The following KAZN variants were observed in gnomAD, a reference collection of about 807,000 sequenced individuals.
The protein encoded by KAZN is kazrin, periplakin interacting protein.
A neutral mutation model predicts 87.4 loss-of-function variants in KAZN; 40 were observed. The ratio of observed to expected loss-of-function variants is 0.46; its 90% CI spans 0.36 to 0.60. The LOEUF (loss-of-function observed/expected upper bound fraction) is 0.60. KAZN is among the 20% of genes least tolerant of loss of function. The probability of loss-of-function intolerance (pLI) is 0.00; values close to 1 mark genes in which losing one functional copy is unlikely to be tolerated. For missense variants in KAZN, 898 were observed against 1,073.9 expected (o/e 0.84, Z 2.29); for synonymous variants, 466 against 458.3 (o/e 1.02, Z -0.22).
chr1:15,070,685 C>A (rs1485975035), intron 8 of KAZN, among the ~76,000 whole-genome samples: 2 of 152,158 alleles, frequency 1.3e-5, no homozygotes, highest in Non-Finnish European at 2.9e-5. Flanking sequence ...TACCTCTGGG[C>A]CAAAAGTTAG....
At chr1:14,384,424 C>T (rs1011246779) in intron 2 of KAZN, among the ~76,000 whole-genome samples, 6 of 151,994 alleles carry the variant, frequency 3.9e-5, no homozygotes, top group Non-Finnish European at 7.4e-5. Flanking sequence ...CCAGTTTTTG[C>T]CCATTCAGTA....
At chr1:14,947,272 C>A (rs571096770) in intron 1 of KAZN, among the ~76,000 whole-genome samples, 1 of 152,018 alleles carries the variant, frequency 6.6e-6, no homozygotes, top group African/African-American at 2.4e-5. Context: ...TTTTTTTCCT[C>A]AAGGGTGGGG....
At chr1:14,194,637 A>T (rs1195112973) in intron 2 of KAZN, among the ~76,000 whole-genome samples, 1 of 152,178 alleles carries the variant, frequency 6.6e-6, no homozygotes, top group African/African-American at 2.4e-5. Flanking sequence ...AGTGTTTTTC[A>T]TGAAGGCTTC....
Position 15,066,176 on chromosome 1 carries a change from C to T in KAZN, c.1222+423C>T. ...TTTTGTTTTTTTCCCCCTTTCTCCTCCCCTCCTCCTTTTTATGAAACTTGA... is the reference window on the plus strand; with the variant it reads ...TTTTGTTTTTTTCCCCCTTTCTCCTTCCCTCCTCCTTTTTATGAAACTTGA... On this transcript the variant is annotated intron_variant, in intron 8 of 14. Transcript: ENST00000376030. This position sits in a 1 kb window ranked among gnomAD's most constrained non-coding sequence, Gnocchi z 4.3. The T allele has an allele frequency of 9.9e-7, 1 of 1,007,174 alleles. No individual in the cohort carries two copies. The highest frequency in any genetic ancestry group is 1.2e-6 in the Non-Finnish European group (1 of 844,652). The allele number at this position is 1,007,174 out of a possible 1,614,324, so 62.4% of individuals were successfully genotyped here. A position where few individuals can be genotyped will look rare whatever the true frequency, so the allele number is the denominator to read the frequency against.
At chr1:14,553,240 G>A (rs933136464) in intron 2 of KAZN, among the ~76,000 whole-genome samples, 1 of 152,150 alleles carries the variant, frequency 6.6e-6, no homozygotes, top group Admixed American at 6.5e-5. Context: ...ACCCAGCCAT[G>A]GTAGTGCACA....
chr1:15,111,867 C>G (rs56096811), intron 13 of KAZN: 2 of 153,800 alleles, frequency 1.3e-5, no homozygotes, highest in African/African-American at 4.8e-5. Context: ...TGGATTTGAC[C>G]TGCAGGCAGG....
chr1:14,773,217 C>G lies in KAZN; in HGVS notation c.226+173994C>G, dbSNP rs912073674. On this transcript the variant is annotated intron_variant, in intron 1 of 14. Coordinates refer to ENST00000376030, the MANE Select transcript of KAZN (RefSeq NM_201628.3). The surrounding 1 kb of genome is among the most constrained non-coding windows in gnomAD (Gnocchi z 5.9). ...ATTATCTTCAGGACAAAGACGGCCC[C>G]AACACTTCCGGAAGAGATCTGATAC... 6.6e-6 allele frequency among the ~76,000 whole-genome samples: 1 copy of G among 152,088 alleles called. No homozygotes were observed. The highest frequency in any genetic ancestry group is 1.9e-4 in the East Asian group (1 of 5,160).
intron 1 of KAZN, among the ~76,000 whole-genome samples, chr1:14,620,852 C>T (rs760865095): frequency 1.3e-5 from 2 of 152,176 alleles, no homozygotes; most frequent in African/African-American, 2.4e-5. Flanking sequence ...TCAGAGGTGA[C>T]GCCTTGGAAA....
intron 1 of KAZN, among the ~76,000 whole-genome samples, chr1:14,039,169 C>CAA (rs5772558): frequency 2.4e-5 from 3 of 122,528 alleles, no homozygotes; most frequent in Non-Finnish European, 5.4e-5. Context: ...GACTCTGTCT[C>CAA]AAAAAAAAAA....
At chr1:15,086,646 T>C (rs981822685) in intron 8 of KAZN, among the ~76,000 whole-genome samples, 6 of 152,202 alleles carry the variant, frequency 3.9e-5, no homozygotes, top group African/African-American at 1.2e-4. Context: ...GTTATCAGTA[T>C]AAAATAATCA....
chr1:14,419,186 T>C (rs1233740566), intron 2 of KAZN, among the ~76,000 whole-genome samples: 1 of 152,230 alleles, frequency 6.6e-6, no homozygotes, highest in Non-Finnish European at 1.5e-5. Flanking sequence ...ACCTTATACA[T>C]AGTCTTTGCA....
chr1:14,687,012 C>T (rs1001962771), intron 1 of KAZN, among the ~76,000 whole-genome samples: 1 of 152,108 alleles, frequency 6.6e-6, no homozygotes, highest in Non-Finnish European at 1.5e-5. Context: ...GGGCTAGATC[C>T]ATAACAGCTG....
intron 1 of KAZN, among the ~76,000 whole-genome samples, chr1:13,998,350 A>G (rs1032801181): frequency 6.6e-6 from 1 of 152,208 alleles, no homozygotes; most frequent in East Asian, 1.9e-4. Context: ...CATTATGATG[A>G]CAGGATCAAA....
chr1:15,075,180 C>T (rs980292322), intron 8 of KAZN, among the ~76,000 whole-genome samples: 2 of 152,174 alleles, frequency 1.3e-5, no homozygotes, highest in Non-Finnish European at 2.9e-5. Context: ...TGCTTGACCA[C>T]AGCCCAGCAG....
intron 1 of KAZN, among the ~76,000 whole-genome samples, chr1:14,614,032 T>C (rs1678020700): frequency 6.6e-6 from 1 of 152,124 alleles, no homozygotes; most frequent in Admixed American, 6.6e-5. Context: ...CCAGTTATGG[T>C]CAGAATAACA....
Position 14,367,205 on chromosome 1 carries a change from G to A in KAZN, c.249+186613G>A, listed in dbSNP as rs1040267657. ...GATCACACCACTGCACTCCAGCCGA[G>A]GTGACAGAGCAAGACTCTTGTCTCC... On this transcript the variant is annotated intron_variant, in intron 2 of 16. Coordinates refer to the KAZN transcript ENST00000636203. Among the ~76,000 whole-genome samples the A allele has an allele frequency of 7.9e-5, 12 of 152,194 alleles. 1 individual carries two copies. The highest frequency in any genetic ancestry group is 2.9e-4 in the African/African-American group (12 of 41,458).
intron 1 of KAZN, among the ~76,000 whole-genome samples, chr1:13,938,636 C>A (rs10754903): frequency 0.79 from 119,795 of 152,186 alleles, 47,218 homozygotes; most frequent in South Asian, 0.93. Context: ...AGGGCAGTGG[C>A]GAAGGAAAAC....
At chr1:14,834,963 C>T (rs1223966548) in intron 1 of KAZN, among the ~76,000 whole-genome samples, 1 of 152,142 alleles carries the variant, frequency 6.6e-6, no homozygotes, top group South Asian at 2.1e-4. Flanking sequence ...TTTAGCTAGA[C>T]CACCCGCTAA....
chr1:14,302,300 A>G (rs1175598773), intron 2 of KAZN, among the ~76,000 whole-genome samples: 1 of 152,216 alleles, frequency 6.6e-6, no homozygotes, highest in African/African-American at 2.4e-5. Context: ...CTTTTTCTCA[A>G]ATCAACGCAG....
Sources: gnomAD v4.1 joint callset for allele counts (sites outside exome capture counted in the v4.1 genomes callset) on GRCh38, gnomAD v4.1.1 for gene constraint, Gnocchi (gnomAD v3.1) non-coding constraint, MANE v1.5 for transcripts, NCBI Gene and HGNC (gene_info 2026-07-23, HGNC 2026-07-21) for gene names.